The following ZC3H3 variants were observed in gnomAD, a reference collection of about 807,000 sequenced individuals.
The protein encoded by ZC3H3 is zinc finger CCCH domain-containing protein 3.
In ZC3H3, 36 loss-of-function variants were observed where a neutral mutation model predicts 77.3. The ratio of observed to expected loss-of-function variants is 0.47; its 90% CI spans 0.36 to 0.61. The LOEUF (loss-of-function observed/expected upper bound fraction) is 0.61, where lower values mean the gene tolerates loss of function less well. ZC3H3 is among the 20% of genes least tolerant of loss of function. The pLI is 0.00. For missense variants in ZC3H3, 1,331 were observed against 1,312.2 expected, an observed-to-expected ratio of 1.01 and a Z score of -0.22; for synonymous variants, 626 against 555.2, an observed-to-expected ratio of 1.13 and a Z score of -1.79.
At chr8:143,438,616 A>G (rs1819644883) in intron 11 of ZC3H3, among the ~76,000 whole-genome samples, 1 of 152,018 alleles carries the variant, frequency 6.6e-6, no homozygotes, top group Admixed American at 6.5e-5. Context: ...GTGTGGAGGG[A>G]GCAGTTCCCC....
chr8:143,523,312 G>A, intron 3 of ZC3H3: 1 of 985,360 alleles, frequency 1.0e-6, no homozygotes, highest in Non-Finnish European at 1.2e-6. Context: ...ATGAAACCAA[G>A]CTCACCTGCA....
At chr8:143,443,965 CTTT>C (rs1378699595) in intron 9 of ZC3H3, among the ~76,000 whole-genome samples, 2 of 131,168 alleles carry the variant, frequency 1.5e-5, no homozygotes, top group South Asian at 4.6e-4. Context: ...ACTTGTAGTT[CTTT>C]TTTTCCTTTT....
chr8:143,505,066 C>T (rs1400796308), intron 4 of ZC3H3, among the ~76,000 whole-genome samples: 7 of 152,224 alleles, frequency 4.6e-5, no homozygotes, highest in African/African-American at 1.7e-4. Context: ...CCACTAGTCA[C>T]CCTGCCTCCC....
At chr8:143,440,405 G>A (rs1269223317) in intron 10 of ZC3H3, 42 bp from the exon 11 acceptor site, 9 of 1,493,414 alleles carry the variant, frequency 6.0e-6, no homozygotes, top group African/African-American at 1.4e-5. Flanking sequence ...TGGGGTGACG[G>A]GTGGGGATCC....
intron 3 of ZC3H3, among the ~76,000 whole-genome samples, chr8:143,520,992 C>A (rs1020505205): frequency 6.6e-6 from 1 of 152,228 alleles, no homozygotes; most frequent in African/African-American, 2.4e-5. Context: ...CCCACACACA[C>A]TCACAGCCAC....
At chr8:143,507,983 C>G (rs757740353) in intron 3 of ZC3H3, 84 bp from the exon 4 acceptor site, 99 of 1,408,510 alleles carry the variant, frequency 7.0e-5, no homozygotes, top group Non-Finnish European at 9.1e-5. Context: ...AGTGCCAGCT[C>G]TGCCCACCGC....
chr8:143,512,061 G>A (rs1054603226), intron 3 of ZC3H3, among the ~76,000 whole-genome samples: 2 of 152,366 alleles, frequency 1.3e-5, no homozygotes, highest in South Asian at 4.1e-4. Flanking sequence ...CCATGTTCCC[G>A]GGAGAAGTGA....
intron 3 of ZC3H3, among the ~76,000 whole-genome samples, chr8:143,520,052 T>C (rs1391050159): frequency 6.6e-6 from 1 of 151,994 alleles, no homozygotes; most frequent in South Asian, 2.1e-4. Context: ...GAAGGCACAA[T>C]GGAACTGGGT....
chr8:143,528,166 C>A (rs1317712873), intron 3 of ZC3H3, among the ~76,000 whole-genome samples: 1 of 152,238 alleles, frequency 6.6e-6, no homozygotes, highest in African/African-American at 2.4e-5. Context: ...AACCACCCTG[C>A]GGTGCACCTC....
At chr8:143,501,469 G>A (rs1821523123) in intron 4 of ZC3H3, among the ~76,000 whole-genome samples, 1 of 152,216 alleles carries the variant, frequency 6.6e-6, no homozygotes, top group African/African-American at 2.4e-5. Context: ...CTCCCAAAGT[G>A]CTGGGATTAT....
chr8:143,533,070 G>A lies in ZC3H3; in HGVS notation c.1561+3187C>T, dbSNP rs572948989. On this transcript the variant is annotated intron_variant, in intron 3 of 11. Transcript: ENST00000262577. The surrounding 1 kb of genome is among the most constrained non-coding windows in gnomAD (Gnocchi z 4.0). ...CCCACTCGGGCCTGCCAGACACCCC[G>A]GGGCCCTGGACACGCCCCTCCCAGG... 4.6e-5 allele frequency among the ~76,000 whole-genome samples: 7 copies of A among 152,122 alleles called. No homozygotes were observed. The East Asian group carries it at 5.8e-4, about 13-fold the overall frequency.
chr8:143,489,685 T>C lies in ZC3H3; in HGVS notation c.1716-14100A>G, dbSNP rs569995043. On this transcript the variant is annotated intron_variant, in intron 4 of 11. Transcript: ENST00000262577. ...TTAATTCGGCTCCTGCTACTATTAA[T>C]GTAGTTAATGCTGAGATTATATCTA... 8.5e-5 allele frequency among the ~76,000 whole-genome samples: 13 copies of C among 152,332 alleles called. No homozygotes were observed. In the South Asian group the frequency reaches 2.7e-3, roughly 32 times the overall value.
At chr8:143,507,613 A>G (rs1289767035) in intron 4 of ZC3H3, 133 bp downstream of exon 4, 2 of 1,110,560 alleles carry the variant, frequency 1.8e-6, no homozygotes, top group Non-Finnish European at 2.3e-6. Flanking sequence ...TCCCCAGCCA[A>G]CGAGCCCAAC....
intron 3 of ZC3H3, among the ~76,000 whole-genome samples, chr8:143,517,897 G>A (rs528165898): frequency 6.6e-6 from 1 of 152,196 alleles, no homozygotes; most frequent in Admixed American, 6.5e-5. Flanking sequence ...TCAGATACTC[G>A]AGGGCGGAAG....
chr8:143,459,290 A>G (rs1233591134), intron 9 of ZC3H3, among the ~76,000 whole-genome samples: 1 of 152,210 alleles, frequency 6.6e-6, no homozygotes, highest in African/African-American at 2.4e-5. Context: ...GCTCACGCCT[A>G]TAATCCCAGC....
At chr8:143,463,449 G>A (rs950204169) in intron 9 of ZC3H3, among the ~76,000 whole-genome samples, 15 of 152,286 alleles carry the variant, frequency 9.8e-5, no homozygotes, top group African/African-American at 2.6e-4. Context: ...AAAAGGGGAC[G>A]GCAATGGACA....
Position 143,536,455 on chromosome 8 carries a change from T to C in ZC3H3, c.1365-2A>G, listed in dbSNP as rs553112230. On this transcript the variant is annotated splice_acceptor_variant, in intron 2 of 11. Transcript: ENST00000262577. LOFTEE classifies it high-confidence loss of function. ...CCGCTTTTCTTGTCTCCAGGAAGGC[T>C]GTGGAGACAAAATACAGGCAGCTCT... The C allele has an allele frequency of 2.0e-6, 3 of 1,496,060 alleles. No homozygotes were observed. The highest frequency in any genetic ancestry group is 2.7e-6 in the Non-Finnish European group (3 of 1,117,494). The allele number at this position is 1,496,060 out of a possible 1,614,324, so 92.7% of individuals were successfully genotyped here. A position where few individuals can be genotyped will look rare whatever the true frequency, so the allele number is the denominator to read the frequency against.
intron 8 of ZC3H3, among the ~76,000 whole-genome samples, chr8:143,467,981 G>A (rs1820457914): frequency 6.6e-6 from 1 of 152,180 alleles, no homozygotes; most frequent in African/African-American, 2.4e-5. Context: ...AGAGACCCCT[G>A]TGCGTGGTGA....
intron 4 of ZC3H3, among the ~76,000 whole-genome samples, chr8:143,484,022 G>A (rs111403748): frequency 1.0e-3 from 156 of 152,226 alleles, no homozygotes; most frequent in Middle Eastern, 3.4e-3. Flanking sequence ...TGGGAGCTGA[G>A]AGCCCTGCAC....
Sources: gnomAD v4.1 joint callset for allele counts (sites outside exome capture counted in the v4.1 genomes callset) on GRCh38, gnomAD v4.1.1 for gene constraint, Gnocchi (gnomAD v3.1) non-coding constraint, MANE v1.5 for transcripts, NCBI Gene and HGNC (gene_info 2026-07-23, HGNC 2026-07-21) for gene names.